Variants in ZNF33B observed in about 807,000 individuals in gnomAD.
The protein encoded by ZNF33B is zinc finger protein 33B, also known as zinc finger protein 11b (KOX 2).
ZNF33B carries 29 observed loss-of-function variants against 45.8 expected under a neutral mutation model. The observed-to-expected ratio is 0.63, with a 90% CI of 0.47 to 0.86. The LOEUF is 0.86. ZNF33B is among the 40% of genes least tolerant of loss of function. ZNF33B has a pLI of 0.00. For missense variants in ZNF33B, 831 were observed against 909.9 expected, an observed-to-expected ratio of 0.91 and a Z score of 1.12; for synonymous variants, 305 against 307.8, an observed-to-expected ratio of 0.99 and a Z score of 0.10.
chr10:42,592,395 A>C lies in ZNF33B; in HGVS notation c.*218T>G, dbSNP rs1837166200. 1.4e-6 allele frequency: 1 copy of C among 714,680 alleles called. No individual in the cohort carries two copies. Among genetic ancestry groups the C allele is most frequent in the Admixed American group, 3.6e-5 (1 of 27,840 alleles). The allele number at this position is 714,680 out of a possible 1,614,324, so 44.3% of individuals were successfully genotyped here. ...TCTGTGAGGTTTTATGCCAGTATTA[A>C]CCATCTGATATTCAACAGAATATCA... On this transcript the variant is annotated 3_prime_UTR_variant, in exon 5 of 5. Coordinates refer to ENST00000359467, the MANE Select transcript of ZNF33B (RefSeq NM_006955.3).
chr10:42,619,171 T>G (rs1452234345), intron 4 of ZNF33B, among the ~76,000 whole-genome samples: 1 of 150,912 alleles, frequency 6.6e-6, no homozygotes, highest in Non-Finnish European at 1.5e-5. Flanking sequence ...GTTAGAACTC[T>G]GGAAAATAAT....
intron 4 of ZNF33B, among the ~76,000 whole-genome samples, chr10:42,616,335 A>G (rs1838313730): frequency 6.6e-6 from 1 of 152,210 alleles, no homozygotes. Context: ...ACAGTATGTG[A>G]ATTATATCTC....
rs570102213 is a variant in ZNF33B at position 42,631,883 on chromosome 10, A to C, written c.250+46T>G. Reference sequence around the variant, plus strand: ...CAAACCCTGAATTAACTACTGGGAAACAACAAATCCCCTGATGTGAATCTG... The same window carrying C: ...CAAACCCTGAATTAACTACTGGGAACCAACAAATCCCCTGATGTGAATCTG... On this transcript the variant is annotated intron_variant, in intron 4 of 4. Coordinates refer to ENST00000359467, the MANE Select transcript of ZNF33B (RefSeq NM_006955.3). 144 of 1,536,312 alleles carry C rather than the reference A, an allele frequency of 9.4e-5. 1 individual carries two copies. The South Asian group carries it at 1.6e-3, about 17-fold the overall frequency.
In ZNF33B at chr10:42,632,307, G is replaced by A. The variant is rs1201514741; in HGVS notation, c.142C>T (p.Leu48Phe). The change falls in exon 3 of 5, where the codon CTT (leucine) becomes TTT (phenylalanine). Residue 48 changes from leucine to phenylalanine, a missense_variant. Coordinates refer to ENST00000359467, the MANE Select transcript of ZNF33B (RefSeq NM_006955.3). ...RDVMLENYSN[L>F]VSVGYCAHKP... ...GAACAGACCTTACCCACTGAGACAA[G>A]GTTGCTGTAGTTCTCCAGCATCACA... The A allele has an allele frequency of 1.2e-6, 2 of 1,600,604 alleles. No homozygotes were observed. Among genetic ancestry groups the A allele is most frequent in the Non-Finnish European group, 8.5e-7 (1 of 1,175,610 alleles).
chr10:42,609,664 A>G (rs1310195980), intron 4 of ZNF33B, among the ~76,000 whole-genome samples: 1 of 152,300 alleles, frequency 6.6e-6, no homozygotes, highest in African/African-American at 2.4e-5. Context: ...ATAAATCCTC[A>G]ACAAAATACT....
chr10:42,609,079 A>C (rs568700144), intron 4 of ZNF33B, among the ~76,000 whole-genome samples: 1 of 152,278 alleles, frequency 6.6e-6, no homozygotes, highest in South Asian at 2.1e-4. Flanking sequence ...AAAAATCTGA[A>C]ATGACCTACA....
At chr10:42,596,661 C>A (rs1438998965) in intron 4 of ZNF33B, among the ~76,000 whole-genome samples, 1 of 152,038 alleles carries the variant, frequency 6.6e-6, no homozygotes, top group East Asian at 1.9e-4. Flanking sequence ...TCTTTCACAT[C>A]TTTTGCCAGA....
In ZNF33B at chr10:42,590,376, G is replaced by T. The variant is rs891231469; in HGVS notation, c.*2237C>A. The T allele has an allele frequency of 6.6e-6, 1 of 151,910 alleles. No individual in the cohort carries two copies. Among genetic ancestry groups the T allele is most frequent in the African/African-American group, 2.4e-5 (1 of 41,342 alleles). The allele number at this position is 151,910 out of a possible 1,614,324, so 9.4% of individuals were successfully genotyped here. A position where few individuals can be genotyped will look rare whatever the true frequency, so the allele number is the denominator to read the frequency against. On this transcript the variant is annotated 3_prime_UTR_variant, in exon 5 of 5. Coordinates refer to ENST00000359467, the MANE Select transcript of ZNF33B (RefSeq NM_006955.3). ...CCATTTGGTCCCGGCACTTTTTTTGGAAGGTTTTATTATTATTAATTTTAT... is the reference window on the plus strand; with the variant it reads ...CCATTTGGTCCCGGCACTTTTTTTGTAAGGTTTTATTATTATTAATTTTAT...
At chr10:42,574,655 A>C (rs1836721538) in exon 2 of ZNF33B, 1 of 151,120 alleles carries the variant, frequency 6.6e-6, no homozygotes, top group Non-Finnish European at 1.5e-5. Flanking sequence ...GGTACATACC[A>C]CTCTCTCCTG....
intron 1 of ZNF33B, among the ~76,000 whole-genome samples, chr10:42,580,891 CAATAAATAAATA>C (rs531911819): frequency 2.6e-5 from 4 of 151,044 alleles, no homozygotes; most frequent in Admixed American, 6.6e-5. Flanking sequence ...GAGACTGTCT[CAATAAATAAATA>C]AATAAATAAA....
At chr10:42,576,227 G>A (rs548888678) in intron 1 of ZNF33B, among the ~76,000 whole-genome samples, 17 of 152,048 alleles carry the variant, frequency 1.1e-4, no homozygotes, top group Admixed American at 7.2e-4. Flanking sequence ...GAGCTCAGGC[G>A]ATCTGCCCGC....
At chr10:42,580,519 T>A (rs918033153) in intron 1 of ZNF33B, among the ~76,000 whole-genome samples, 6 of 151,246 alleles carry the variant, frequency 4.0e-5, no homozygotes, top group Admixed American at 1.3e-4. Flanking sequence ...GTTACAGGAG[T>A]GAGCCACTGT....
rs573828662 is a variant in ZNF33B at position 42,580,735 on chromosome 10, A to G, written c.74-6057T>C. On this transcript the variant is annotated intron_variant, in intron 1 of 1. Coordinates refer to the ZNF33B transcript ENST00000462075. ...GGAGTTCAAGACCAGCCTGGCCAAGATGGTGAGACCCCGTCTCTACTAAAA... is the reference window on the plus strand; with the variant it reads ...GGAGTTCAAGACCAGCCTGGCCAAGGTGGTGAGACCCCGTCTCTACTAAAA... Among the ~76,000 whole-genome samples, 91 of 151,590 alleles carry G rather than the reference A, an allele frequency of 6.0e-4. 1 individual carries two copies. Among genetic ancestry groups the G allele is most frequent in the African/African-American group, 2.1e-3 (86 of 41,420 alleles).
At chr10:42,637,886 C>T (rs1302392143) in intron 1 of ZNF33B, among the ~76,000 whole-genome samples, 1 of 152,198 alleles carries the variant, frequency 6.6e-6, no homozygotes, top group African/African-American at 2.4e-5. Flanking sequence ...TTCCTGACCT[C>T]AGGTGATCCA....
chr10:42,614,320 A>G (rs1321918691), intron 4 of ZNF33B: 5 of 154,590 alleles, frequency 3.2e-5, no homozygotes, highest in African/African-American at 1.2e-4. Context: ...GTCATCCAAA[A>G]CAAGGAAAGT....
intron 4 of ZNF33B, among the ~76,000 whole-genome samples, chr10:42,627,415 A>G (rs1172044835): frequency 6.6e-6 from 1 of 152,106 alleles, no homozygotes; most frequent in Non-Finnish European, 1.5e-5. Context: ...ATGATTTGTC[A>G]TCTCATTTTA....
chr10:42,606,038 C>G (rs2132078507), intron 4 of ZNF33B, among the ~76,000 whole-genome samples: 1 of 151,478 alleles, frequency 6.6e-6, no homozygotes, highest in African/African-American at 2.4e-5. Context: ...GTTGAGGCTG[C>G]AATGAGCTGC....
At position 42,590,680 on chromosome 10, in the gene ZNF33B, G is replaced by C. The variant is rs923590703; in HGVS notation, c.*1933C>G. On this transcript the variant is annotated 3_prime_UTR_variant, in exon 5 of 5. Coordinates refer to ENST00000359467, the MANE Select transcript of ZNF33B (RefSeq NM_006955.3). ...GCTTTGAGAGAATGCATCTTGCAAG[G>C]AATTGATCCATTTTAGCTAAGTTAT... 1 of 152,158 alleles carries C rather than the reference G, an allele frequency of 6.6e-6. No individual in the cohort carries two copies. The highest frequency in any genetic ancestry group is 2.4e-5 in the African/African-American group (1 of 41,438). 9.4% of individuals were successfully genotyped at this position (152,158 alleles called of 1,614,324 possible). A position where few individuals can be genotyped will look rare whatever the true frequency, so the allele number is the denominator to read the frequency against.
chr10:42,577,275 G>T (rs1306770728), intron 1 of ZNF33B, among the ~76,000 whole-genome samples: 1 of 151,942 alleles, frequency 6.6e-6, no homozygotes, highest in Non-Finnish European at 1.5e-5. Flanking sequence ...CCTCCCCTCT[G>T]ACTCCTGTTC....
Sources: allele counts gnomAD v4.1 joint callset (sites outside exome capture counted in the v4.1 genomes callset), GRCh38; gene constraint gnomAD v4.1.1; transcripts MANE v1.5; gene names NCBI Gene and HGNC (gene_info 2026-07-23, HGNC 2026-07-21).